Variants in SUGCT observed in about 807,000 individuals in gnomAD.
The protein encoded by SUGCT is succinyl-CoA:glutarate CoA-transferase.
In SUGCT, 41 loss-of-function variants were observed where a neutral mutation model predicts 55.0. That is an observed-to-expected ratio of 0.74 (90% CI 0.58 to 0.97). SUGCT has a LOEUF of 0.97. Ranked by LOEUF, SUGCT falls within the 50% of genes least tolerant of loss-of-function variation. SUGCT has a pLI of 0.00. For synonymous variants in SUGCT, 187 were observed against 200.4 expected, an observed-to-expected ratio of 0.93 and a Z score of 0.56; for missense variants, 568 against 547.8, an observed-to-expected ratio of 1.04 and a Z score of -0.37.
intron 13 of SUGCT, among the ~76,000 whole-genome samples, chr7:40,789,837 A>T (rs541542397): frequency 6.6e-6 from 1 of 152,284 alleles, no homozygotes; most frequent in East Asian, 1.9e-4. Flanking sequence ...TACTCCTCCT[A>T]AAACCCAGTG....
chr7:40,165,989 G>A (rs1393368697), intron 1 of SUGCT, among the ~76,000 whole-genome samples: 1 of 152,156 alleles, frequency 6.6e-6, no homozygotes, highest in Non-Finnish European at 1.5e-5. Flanking sequence ...GGATGTGGTG[G>A]CACACGCCTG....
chr7:40,195,914 A>T (rs1786262479), intron 6 of SUGCT, among the ~76,000 whole-genome samples: 1 of 151,728 alleles, frequency 6.6e-6, no homozygotes, highest in Non-Finnish European at 1.5e-5. Flanking sequence ...GTGTTTCACC[A>T]TGTTGGCGAG....
At chr7:41,035,538 GA>G in the SUGCT span, among the ~76,000 whole-genome samples, 1 of 152,174 alleles carries the variant, frequency 6.6e-6, no homozygotes, top group East Asian at 1.9e-4. Context: ...CCTCTGGCCT[GA>G]GGTGTTCACA....
rs373807545 is a variant in SUGCT at position 40,264,071 on chromosome 7, A to G, written c.577-10442A>G. On this transcript the variant is annotated intron_variant, in intron 7 of 13. Transcript: ENST00000335693. ...TGTTCACCACTTATAGCCTAAATTT[A>G]GTGCTTTGTAGTGTTAAGACTCTTT... 2.0e-5 allele frequency among the ~76,000 whole-genome samples: 3 copies of G among 152,254 alleles called. No individual in the cohort carries two copies. In the South Asian group the frequency reaches 6.2e-4, roughly 32 times the overall value.
chr7:40,883,625 C>T, the SUGCT span, among the ~76,000 whole-genome samples: 144 of 152,236 alleles, frequency 9.5e-4, no homozygotes, highest in African/African-American at 3.4e-3. Context: ...AGAATAAGGC[C>T]TTGTTAAATG....
At chr7:40,553,468 G>A (rs1417853428) in intron 12 of SUGCT, among the ~76,000 whole-genome samples, 2 of 152,060 alleles carry the variant, frequency 1.3e-5, no homozygotes, top group African/African-American at 2.4e-5. Flanking sequence ...TTTCTCTATC[G>A]AGATAATTTT....
intron 1 of SUGCT, among the ~76,000 whole-genome samples, chr7:40,163,402 A>C (rs1414429817): frequency 6.6e-6 from 1 of 152,114 alleles, no homozygotes; most frequent in South Asian, 2.1e-4. Flanking sequence ...TCAGGAGATC[A>C]AGACCATCCT....
intron 1 of SUGCT, among the ~76,000 whole-genome samples, chr7:40,140,816 A>G (rs572732598): frequency 1.3e-5 from 2 of 152,294 alleles, no homozygotes; most frequent in African/African-American, 2.4e-5. Context: ...TTTACTTGGG[A>G]TATTTTTGGC....
At chr7:40,244,159 C>T (rs1233892700) in intron 7 of SUGCT, among the ~76,000 whole-genome samples, 1 of 151,992 alleles carries the variant, frequency 6.6e-6, no homozygotes, top group South Asian at 2.1e-4. Flanking sequence ...GGTGACTGAG[C>T]GAGACTCTGT....
chr7:40,308,431 T>G (rs1280547882), intron 8 of SUGCT, among the ~76,000 whole-genome samples: 1 of 152,182 alleles, frequency 6.6e-6, no homozygotes, highest in Non-Finnish European at 1.5e-5. Context: ...GCAATGTGAC[T>G]TTATTTGCTT....
rs569758483 is a variant in SUGCT, at chr7:40,256,100, T to C, written c.576+18374T>C. Among the ~76,000 whole-genome samples, 3 of 152,350 alleles carry C rather than the reference T, an allele frequency of 2.0e-5. No homozygotes were observed. The East Asian group carries it at 5.8e-4, about 29-fold the overall frequency. On this transcript the variant is annotated intron_variant, in intron 7 of 13. Coordinates refer to ENST00000335693, the MANE Select transcript of SUGCT (RefSeq NM_001193313.2). ...ATTTCTTTAAATTTTATGATCCCAT[T>C]GGAATTTATTTAAGAAAAGTATAAT...
intron 12 of SUGCT, among the ~76,000 whole-genome samples, chr7:40,654,770 GTT>G (rs1800937851): frequency 6.6e-6 from 1 of 152,088 alleles, no homozygotes; most frequent in East Asian, 1.9e-4. Context: ...AGCATCTGGT[GTT>G]TCTGAAATCA....
At chr7:40,155,480 T>C (rs1440412319) in intron 1 of SUGCT, among the ~76,000 whole-genome samples, 1 of 152,178 alleles carries the variant, frequency 6.6e-6, no homozygotes, top group Non-Finnish European at 1.5e-5. Flanking sequence ...AACATAGGTA[T>C]GGTTCCCACA....
intron 1 of SUGCT, among the ~76,000 whole-genome samples, chr7:40,150,641 A>T (rs922138688): frequency 6.6e-6 from 1 of 151,884 alleles, no homozygotes; most frequent in African/African-American, 2.4e-5. Context: ...ATTGCACTCC[A>T]GCCTGGGGAA....
In SUGCT at chr7:40,172,186, T is replaced by C. The variant is rs1584250126; in HGVS notation, c.101-8761T>C. 1.3e-5 allele frequency among the ~76,000 whole-genome samples: 2 copies of C among 152,330 alleles called. 1 individual carries two copies. Among genetic ancestry groups the C allele is most frequent in the East Asian group, 3.9e-4 (2 of 5,188 alleles). ...AGTTGTTAAAGTACTGGGTCATCAG[T>C]TCTAAGGCCCTGGCCAAGGAGCCGA... On this transcript the variant is annotated intron_variant, in intron 1 of 13. Coordinates refer to ENST00000335693, the MANE Select transcript of SUGCT (RefSeq NM_001193313.2).
At chr7:40,887,977 T>TA in the SUGCT span, among the ~76,000 whole-genome samples, 43 of 140,776 alleles carry the variant, frequency 3.1e-4, no homozygotes, top group East Asian at 8.8e-3. Context: ...GGTGTGGCAC[T>TA]AAGCATTCTA....
chr7:40,838,989 AC>A (rs1323257538), intron 13 of SUGCT, among the ~76,000 whole-genome samples: 1 of 147,190 alleles, frequency 6.8e-6, no homozygotes, highest in African/African-American at 2.5e-5. Context: ...TACATCTAAT[AC>A]CTTTTCTGCA....
intron 8 of SUGCT, among the ~76,000 whole-genome samples, chr7:40,312,570 T>C (rs1221680081): frequency 6.6e-6 from 1 of 152,192 alleles, no homozygotes; most frequent in Non-Finnish European, 1.5e-5. Flanking sequence ...AAGGAAGTAG[T>C]GACCTAGCTC....
intron 9 of SUGCT, among the ~76,000 whole-genome samples, chr7:40,431,138 A>AC (rs1006220507): frequency 6.0e-5 from 9 of 149,128 alleles, no homozygotes; most frequent in African/African-American, 2.2e-4. Flanking sequence ...AAAAAAAAAA[A>AC]AGTTAATGGC....
Sources: gnomAD v4.1 joint callset for allele counts (sites outside exome capture counted in the v4.1 genomes callset) on GRCh38, gnomAD v4.1.1 for gene constraint, MANE v1.5 for transcripts, NCBI Gene and HGNC (gene_info 2026-07-23, HGNC 2026-07-21) for gene names.